The following FAM209B variants were observed in gnomAD, a reference collection of about 807,000 sequenced individuals.
FAM209B encodes the protein family with sequence similarity 209 member B.
Under a neutral mutation model 8.9 loss-of-function variants are expected in FAM209B, and 8 were observed. The observed-to-expected ratio is 0.90, with a 90% CI of 0.53 to 1.62. The LOEUF (loss-of-function observed/expected upper bound fraction) is 1.62, where lower values mean the gene tolerates loss of function less well. Among genes scored for constraint, FAM209B ranks in the 40% most tolerant of loss-of-function variants. FAM209B has a pLI of 0.00. For synonymous variants in FAM209B, 67 were observed against 75.0 expected (o/e 0.89, Z 0.55); for missense variants, 175 against 205.3 (o/e 0.85, Z 0.90).
chr20:56,536,213 T>A lies in FAM209B; in HGVS notation c.291T>A (p.Thr97=). The change falls in exon 2 of 2, where the codon ACT becomes ACA. Residue 97 remains threonine (T), a synonymous_variant. Coordinates refer to ENST00000371325, the MANE Select transcript of FAM209B (RefSeq NM_001013646.4). ...PPGLRGFPFR[T]PLKKNQNASL... Reference sequence around the variant, plus strand: ...GCCTTCGAGGCTTCCCATTTCGCACTCCACTAAAGAAAAATCAAAATGCTT... The same window carrying A: ...GCCTTCGAGGCTTCCCATTTCGCACACCACTAAAGAAAAATCAAAATGCTT... 1 of 1,580,334 alleles carries A rather than the reference T, an allele frequency of 6.3e-7. No homozygotes were observed. Among genetic ancestry groups the A allele is most frequent in the East Asian group, 2.3e-5 (1 of 44,390 alleles).
intron 1 of FAM209B, 49 bp downstream of exon 1, chr20:56,533,639 G>A: frequency 1.2e-6 from 2 of 1,602,824 alleles, no homozygotes; most frequent in Non-Finnish European, 1.7e-6. Context: ...AATCTCAGGA[G>A]TCTCAGGGAA....
chr20:56,536,212 C>G lies in FAM209B; in HGVS notation c.290C>G (p.Thr97Ser). 3 of 1,578,874 alleles carry G rather than the reference C, an allele frequency of 1.9e-6. No individual in the cohort carries two copies. Among genetic ancestry groups the G allele is most frequent in the Non-Finnish European group, 2.6e-6 (3 of 1,161,976 alleles). ...GGCCTTCGAGGCTTCCCATTTCGCA[C>G]TCCACTAAAGAAAAATCAAAATGCT... ...PPGLRGFPFR[T>S]PLKKNQNASL... is the part of the protein sequence containing the mutation. Residue 97 changes from threonine to serine, a missense_variant, in exon 2 of 2, where the codon ACT (threonine) becomes AGT (serine). Physicochemically the swap from Thr to Ser is moderately conservative, Grantham distance 58. Around this residue, in one of 2 missense-constraint regions of FAM209B, gnomAD observed 166 missense variants for 174.5 expected, o/e 0.95. Coordinates refer to ENST00000371325, the MANE Select transcript of FAM209B (RefSeq NM_001013646.4).
At position 56,533,283 on chromosome 20, in the gene FAM209B, C is replaced by T. The variant is rs1675951857; in HGVS notation, c.-59C>T. ...GGCCTGGCACCAGGTGCCCAGTCTTCCAGTTGCGAGGGCAAGCAAACCCGT... is the reference window on the plus strand; with the variant it reads ...GGCCTGGCACCAGGTGCCCAGTCTTTCAGTTGCGAGGGCAAGCAAACCCGT... On this transcript the variant is annotated 5_prime_UTR_variant, in exon 1 of 2. Transcript: ENST00000371325. 1.2e-6 allele frequency: 2 copies of T among 1,600,888 alleles called. No homozygotes were observed. Among genetic ancestry groups the T allele is most frequent in the African/African-American group, 2.7e-5 (2 of 74,834 alleles).
chr20:56,534,424 G>A (rs1766162545), intron 1 of FAM209B, among the ~76,000 whole-genome samples: 2 of 151,888 alleles, frequency 1.3e-5, no homozygotes, highest in East Asian at 1.9e-4. Context: ...AGACCAGCCT[G>A]GCCAACATGG....
Position 56,533,284 on chromosome 20 carries a change from C to T in FAM209B, c.-58C>T, listed in dbSNP as rs1037807749. 5.6e-5 allele frequency: 90 copies of T among 1,601,032 alleles called. No individual in the cohort carries two copies. The highest frequency in any genetic ancestry group is 7.4e-5 in the Non-Finnish European group (87 of 1,172,304). On this transcript the variant is annotated 5_prime_UTR_variant, in exon 1 of 2. Coordinates refer to ENST00000371325, the MANE Select transcript of FAM209B (RefSeq NM_001013646.4). ...GCCTGGCACCAGGTGCCCAGTCTTC[C>T]AGTTGCGAGGGCAAGCAAACCCGTC... is the stretch of plus-strand genomic sequence containing the variant.
Position 56,536,444 on chromosome 20 carries a change from T to G in FAM209B, c.*6T>G. 1.3e-6 allele frequency: 2 copies of G among 1,576,072 alleles called. No homozygotes were observed. On this transcript the variant is annotated 3_prime_UTR_variant, in exon 2 of 2. Transcript: ENST00000371325. ...GAGAAGAAAGCTCTAGCTGAATGGA[T>G]TTGTGTGTCAGGAGAGAAAAAAGTT...
intron 1 of FAM209B, among the ~76,000 whole-genome samples, chr20:56,535,188 C>T (rs752620444): frequency 8.0e-5 from 12 of 150,210 alleles, no homozygotes; most frequent in Admixed American, 2.7e-4. Context: ...TGCCACTGCA[C>T]GCCAGCCTGG....
Position 56,533,590 on chromosome 20 carries a change from G to A in FAM209B, c.249G>A (p.Lys83=). ...GTCAAAGAGACAGTGAGAAGAATAA[G>A]GTAAGGATGGCTCCATTTTTTTTAC... is the stretch of plus-strand genomic sequence containing the variant. ...LQCQRDSEKN[K]EQSPPGLRGF... is the part of the protein sequence containing the mutation. Residue 83 remains lysine (K), a splice_region_variant and synonymous_variant, in exon 1 of 2, where the codon AAG becomes AAA. Transcript: ENST00000371325. 1 of 1,613,584 alleles carries A rather than the reference G, an allele frequency of 6.2e-7. No individual in the cohort carries two copies. The highest frequency in any genetic ancestry group is 1.3e-5 in the African/African-American group (1 of 75,030).
intron 1 of FAM209B, among the ~76,000 whole-genome samples, chr20:56,534,369 C>T (rs935839152): frequency 6.6e-6 from 1 of 151,876 alleles, no homozygotes; most frequent in Non-Finnish European, 1.5e-5. Context: ...AATCCCAGAA[C>T]TTTGGGAGGC....
Position 56,536,469 on chromosome 20 carries a change from T to C in FAM209B, c.*31T>C. 6.5e-7 allele frequency: 1 copy of C among 1,542,990 alleles called. No homozygotes were observed. The highest frequency in any genetic ancestry group is 8.7e-7 in the Non-Finnish European group (1 of 1,145,070). On this transcript the variant is annotated 3_prime_UTR_variant, in exon 2 of 2. Coordinates refer to ENST00000371325, the MANE Select transcript of FAM209B (RefSeq NM_001013646.4). The stretch of plus-strand genomic sequence containing the variant: ...TTTGTGTGTCAGGAGAGAAAAAAGT[T>C]GAGTGTTGACAAACTGTATGCAAAC...
chr20:56,536,260 T>C lies in FAM209B; in HGVS notation c.338T>C (p.Phe113Ser). ...GCTTCTCTTTACAAAGACTGTGTAT[T>C]CAATACCTTAAACGAACTTGAAGTG... ...QNASLYKDCV[F>S]NTLNELEVEL... The change falls in exon 2 of 2, where the codon TTC (phenylalanine) becomes TCC (serine). Residue 113 changes from phenylalanine to serine, a missense_variant. By Grantham distance (155) the Phe-to-Ser change is radical (BLOSUM62 -2). Around this residue, in one of 2 missense-constraint regions of FAM209B, gnomAD observed 166 missense variants for 174.5 expected, o/e 0.95. Transcript: ENST00000371325. 6.2e-7 allele frequency: 1 copy of C among 1,612,436 alleles called. No individual in the cohort carries two copies. The highest frequency in any genetic ancestry group is 1.3e-5 in the African/African-American group (1 of 74,922).
At position 56,533,479 on chromosome 20, in the gene FAM209B, G is replaced by A. The variant is rs577435293; in HGVS notation, c.138G>A (p.Gln46=). The A allele has an allele frequency of 6.2e-7, 1 of 1,614,188 alleles. No individual in the cohort carries two copies. The highest frequency in any genetic ancestry group is 1.1e-5 in the South Asian group (1 of 91,080). ...GTGGAGAGCACTTTCGGATTCGGCA[G>A]AACCTACCAGAGCACACCCAAGGCT... The part of the protein sequence containing the change: ...VPCGEHFRIR[Q]NLPEHTQGWL... Residue 46 remains glutamine (Q), a synonymous_variant, in exon 1 of 2, where the codon CAG becomes CAA. Coordinates refer to ENST00000371325, the MANE Select transcript of FAM209B (RefSeq NM_001013646.4).
At position 56,535,535 on chromosome 20, in the gene FAM209B, G is replaced by A. The variant is rs183224925; in HGVS notation, c.250-637G>A. Among the ~76,000 whole-genome samples, 5 of 152,172 alleles carry A rather than the reference G, an allele frequency of 3.3e-5. No individual in the cohort carries two copies. The East Asian group carries it at 9.7e-4, about 29-fold the overall frequency. ...GAACCTGGGAGGCAGAGGTTGCAGT[G>A]AACCGAGATCATGCCACTGCACTCC... is the stretch of plus-strand genomic sequence containing the variant. On this transcript the variant is annotated intron_variant, in intron 1 of 1. Transcript: ENST00000371325.
At chr20:56,536,079 C>G (rs1600856980) in intron 1 of FAM209B, 93 bp from the exon 2 acceptor site, 1 of 1,183,314 alleles carries the variant, frequency 8.5e-7, no homozygotes, top group Non-Finnish European at 1.2e-6. Flanking sequence ...ACTGCTAGAA[C>G]CATCTTTTCT....
intron 1 of FAM209B, 58 bp downstream of exon 1, chr20:56,533,648 A>C: frequency 6.3e-7 from 1 of 1,598,950 alleles, no homozygotes; most frequent in Non-Finnish European, 8.5e-7. Context: ...AGTCTCAGGG[A>C]AACGGATGTT....
chr20:56,536,134 T>C, intron 1 of FAM209B, 38 bp from the exon 2 acceptor site: 1 of 1,491,250 alleles, frequency 6.7e-7, no homozygotes, highest in South Asian at 1.4e-5. Context: ...ACCAGCAAAG[T>C]CCATGATATT....
chr20:56,535,139 T>A (rs2146403668), intron 1 of FAM209B, among the ~76,000 whole-genome samples: 1 of 151,460 alleles, frequency 6.6e-6, no homozygotes, highest in African/African-American at 2.4e-5. Flanking sequence ...GGAGAATCAC[T>A]TGAACCTGGG....
intron 1 of FAM209B, among the ~76,000 whole-genome samples, chr20:56,535,728 C>T (rs1985952259): frequency 6.6e-6 from 1 of 152,116 alleles, no homozygotes; most frequent in Admixed American, 6.6e-5. Context: ...GTAGTAACAG[C>T]TGGGCCTCAA....
intron 1 of FAM209B, among the ~76,000 whole-genome samples, chr20:56,535,142 A>G (rs1314695903): frequency 6.6e-6 from 1 of 151,802 alleles, no homozygotes; most frequent in Non-Finnish European, 1.5e-5. Flanking sequence ...GAATCACTTG[A>G]ACCTGGGAGG....
Sources: allele counts gnomAD v4.1 joint callset (sites outside exome capture counted in the v4.1 genomes callset), GRCh38; gene constraint gnomAD v4.1.1; regional missense constraint gnomAD v4.1.1; transcripts MANE v1.5; gene names NCBI Gene and HGNC (gene_info 2026-07-23, HGNC 2026-07-21).